PADI3: variants seen among roughly 807,000 people sequenced by gnomAD.
PADI3 encodes the protein peptidyl arginine deiminase 3, also known as protein-arginine deiminase type-3.
Under a neutral mutation model 71.5 loss-of-function variants are expected in PADI3, and 53 were observed. The ratio of observed to expected loss-of-function variants is 0.74; its 90% CI spans 0.59 to 0.93. The LOEUF is 0.93. Ranked by LOEUF, PADI3 falls within the 40% of genes least tolerant of loss-of-function variation. PADI3 has a pLI of 0.00. For missense variants in PADI3, 821 were observed against 868.0 expected (o/e 0.95, Z 0.68); for synonymous variants, 361 against 347.5 (o/e 1.04, Z -0.43).
chr1:17,282,864 G>A lies in PADI3; in HGVS notation c.1780G>A (p.Gly594Arg), dbSNP rs200216677. The change falls in exon 16 of 16, where the codon GGG becomes AGG. Residue 594 changes from glycine (G) to arginine (R), a missense_variant. By Grantham distance (125) the Gly-to-Arg change is moderately radical. Coordinates refer to ENST00000375460, the MANE Select transcript of PADI3 (RefSeq NM_016233.2). ...ACTGCAGGTGAACATGCTGGTGCTG[G>A]GGAAGCACCTGGGCATCCCCAAGCC... is the stretch of plus-strand genomic sequence containing the variant. ...FPDLVNMLVL[G>R]KHLGIPKPFG... is the part of the protein sequence containing the mutation. The A allele has an allele frequency of 6.2e-7, 1 of 1,612,532 alleles. No homozygotes were observed. Among genetic ancestry groups the A allele is most frequent in the South Asian group, 1.1e-5 (1 of 90,882 alleles).
chr1:17,271,455 A>G (rs2073249730), intron 9 of PADI3, among the ~76,000 whole-genome samples: 1 of 152,212 alleles, frequency 6.6e-6, no homozygotes, highest in Non-Finnish European at 1.5e-5. Context: ...CCTGCCCTCA[A>G]CAGCTGAGAC....
At chr1:17,262,271 G>GC in intron 3 of PADI3, 66 bp downstream of exon 3, 1 of 1,196,146 alleles carries the variant, frequency 8.4e-7, no homozygotes, top group South Asian at 1.4e-5. Context: ...CAGTACAAAA[G>GC]AGTATACGTT....
chr1:17,274,083 G>A (rs111692478), intron 10 of PADI3, among the ~76,000 whole-genome samples: 5 of 152,218 alleles, frequency 3.3e-5, no homozygotes, highest in African/African-American at 1.2e-4. Flanking sequence ...GCCTGGTGCC[G>A]TAAAGAACAA....
chr1:17,259,257 G>C (rs2073069276), intron 1 of PADI3, among the ~76,000 whole-genome samples: 1 of 152,204 alleles, frequency 6.6e-6, no homozygotes, highest in Non-Finnish European at 1.5e-5. Flanking sequence ...TTTTAGTAGA[G>C]ACAGGGTTTC....
chr1:17,266,971 C>G (rs1245160168), intron 5 of PADI3, 135 bp downstream of exon 5: 2 of 690,476 alleles, frequency 2.9e-6, no homozygotes. Flanking sequence ...CACCTCGATG[C>G]TCCTCAAAAC....
At chr1:17,252,656 A>G (rs1389607764) in intron 1 of PADI3, among the ~76,000 whole-genome samples, 1 of 152,100 alleles carries the variant, frequency 6.6e-6, no homozygotes, top group East Asian at 1.9e-4. Context: ...TGCCTGCCTG[A>G]GCCTCCCAAA....
Position 17,250,470 on chromosome 1 carries a change from G to A in PADI3, c.92+1241G>A, listed in dbSNP as rs573903368. Among the ~76,000 whole-genome samples the A allele has an allele frequency of 8.5e-4, 130 of 152,222 alleles. 1 individual carries two copies. The highest frequency in any genetic ancestry group is 2.9e-3 in the African/African-American group (119 of 41,530). ...GAACGAGTCTCCAAGACTAAGACTC[G>A]AAAAATCAGGGCGAACTTAGTCGGG... On this transcript the variant is annotated intron_variant, in intron 1 of 15. Transcript: ENST00000375460.
chr1:17,258,602 C>T (rs968713056), intron 1 of PADI3, among the ~76,000 whole-genome samples: 1 of 152,258 alleles, frequency 6.6e-6, no homozygotes, highest in Non-Finnish European at 1.5e-5. Context: ...TGGAGTCAGA[C>T]CTGTTGCACA....
intron 14 of PADI3, 55 bp from the exon 15 acceptor site, chr1:17,280,616 G>A: frequency 1.2e-6 from 2 of 1,610,748 alleles, no homozygotes; most frequent in South Asian, 2.2e-5. Flanking sequence ...ATGCCTTGGT[G>A]CCCCCAAAAC....
intron 1 of PADI3, among the ~76,000 whole-genome samples, chr1:17,251,657 G>T (rs2072967586): frequency 6.6e-6 from 1 of 152,236 alleles, no homozygotes; most frequent in South Asian, 2.1e-4. Flanking sequence ...GAGTGGCAGA[G>T]CCAGGATGTA....
chr1:17,277,623 G>A (rs974468365), intron 13 of PADI3, among the ~76,000 whole-genome samples: 35 of 152,234 alleles, frequency 2.3e-4, no homozygotes, highest in Admixed American at 1.8e-3. Context: ...ATTCTCTGCT[G>A]CCTACTTCTG....
chr1:17,269,208 G>A (rs756728230), intron 6 of PADI3, among the ~76,000 whole-genome samples: 1 of 152,158 alleles, frequency 6.6e-6, no homozygotes, highest in Non-Finnish European at 1.5e-5. Flanking sequence ...CACTGTTAAC[G>A]AGTTGGGATG....
chr1:17,269,586 A>ATTGT lies in PADI3; in HGVS notation c.653-637_653-634dup, dbSNP rs559260801. Among the ~76,000 whole-genome samples, 878 of 151,970 alleles carry ATTGT rather than the reference A, an allele frequency of 5.8e-3. 3 individuals carry two copies. The highest frequency in any genetic ancestry group is 0.021 in the African/African-American group (852 of 41,428). The stretch of plus-strand genomic sequence containing the variant: ...AATATTATGTGACTTTGTACCTATT[A>ATTGT]TTGTTTGTTTGTTGTTGTTGTTTTG... On this transcript the variant is annotated intron_variant, in intron 6 of 15. Transcript: ENST00000375460.
intron 3 of PADI3, among the ~76,000 whole-genome samples, chr1:17,265,223 G>C (rs1025114695): frequency 6.6e-6 from 1 of 152,082 alleles, no homozygotes; most frequent in East Asian, 1.9e-4. Flanking sequence ...TGGGGACTGC[G>C]AGTAGCTCAG....
At chr1:17,279,926 G>A (rs2073380743) in intron 13 of PADI3, among the ~76,000 whole-genome samples, 1 of 152,176 alleles carries the variant, frequency 6.6e-6, no homozygotes, top group Admixed American at 6.5e-5. Flanking sequence ...GATGGTGTCT[G>A]AATCCCAGGA....
chr1:17,274,325 G>C (rs1569911648), intron 10 of PADI3, among the ~76,000 whole-genome samples: 2 of 152,368 alleles, frequency 1.3e-5, no homozygotes, highest in East Asian at 3.9e-4. Context: ...GTAGGTAAGG[G>C]GATGGAGTGG....
intron 3 of PADI3, 111 bp from the exon 4 acceptor site, chr1:17,265,548 T>A (rs2073156597): frequency 2.2e-6 from 2 of 918,142 alleles, no homozygotes; most frequent in Admixed American, 1.8e-5. Context: ...TTGGATGGTG[T>A]CTCCTTAGAA....
At chr1:17,278,073 T>C (rs1355588093) in intron 13 of PADI3, 3 of 152,614 alleles carry the variant, frequency 2.0e-5, no homozygotes, top group Non-Finnish European at 2.9e-5. Context: ...AGCAAGGGAC[T>C]GTCCAGCCCC....
At chr1:17,280,563 C>T in intron 14 of PADI3, 108 bp from the exon 15 acceptor site, 1 of 1,544,536 alleles carries the variant, frequency 6.5e-7, no homozygotes, top group African/African-American at 1.4e-5. Flanking sequence ...AGAGGGGTCC[C>T]AACACCCTCT....
Sources: gnomAD v4.1 joint callset for allele counts (sites outside exome capture counted in the v4.1 genomes callset) on GRCh38, gnomAD v4.1.1 for gene constraint, MANE v1.5 for transcripts, NCBI Gene and HGNC (gene_info 2026-07-23, HGNC 2026-07-21) for gene names.